The following LIN54 variants were observed in gnomAD, a reference collection of about 807,000 sequenced individuals.
The protein encoded by LIN54 is protein lin-54 homolog.
A neutral mutation model predicts 78.7 loss-of-function variants in LIN54; 9 were observed. That is an observed-to-expected ratio of 0.11 (90% CI 0.07 to 0.20). LIN54 has a LOEUF of 0.20. LIN54 is among the 10% of genes least tolerant of loss of function. LIN54 has a pLI of 1.00. For synonymous variants in LIN54, 269 were observed against 318.4 expected, an observed-to-expected ratio of 0.84 and a Z score of 1.65; for missense variants, 573 against 889.9, an observed-to-expected ratio of 0.64 and a Z score of 4.53.
At chr4:82,998,838 T>C (rs919181495) in intron 1 of LIN54, among the ~76,000 whole-genome samples, 7 of 151,960 alleles carry the variant, frequency 4.6e-5, no homozygotes, top group Non-Finnish European at 7.4e-5. Context: ...CATGAATGTA[T>C]GAAACATATG....
At chr4:83,000,827 C>CTTTTTTTCTTTTTTTTTTTTTTTTT (rs528409899) in intron 1 of LIN54, among the ~76,000 whole-genome samples, 1 of 120,540 alleles carries the variant, frequency 8.3e-6, no homozygotes, top group African/African-American at 3.2e-5. Context: ...GCAATAAATT[C>CTTTTTTTCTTTTTTTTTTTTTTTTT]TTTTTTTTTT....
At chr4:82,929,461 T>G (rs1721763374) in intron 12 of LIN54, among the ~76,000 whole-genome samples, 1 of 152,152 alleles carries the variant, frequency 6.6e-6, no homozygotes. Flanking sequence ...TCCACTTTAT[T>G]CAGTCAAAAA....
intron 3 of LIN54, among the ~76,000 whole-genome samples, chr4:82,975,482 G>A (rs1017903831): frequency 2.6e-5 from 4 of 151,290 alleles, no homozygotes; most frequent in African/African-American, 7.3e-5. Context: ...AGGCTGAGGT[G>A]GGCGGATTAG....
In LIN54 at chr4:82,970,453, C is replaced by T; in HGVS notation, c.825G>A (p.Gln275=). 2 of 1,610,208 alleles carry T rather than the reference C, an allele frequency of 1.2e-6. No individual in the cohort carries two copies. The highest frequency in any genetic ancestry group is 1.7e-6 in the Non-Finnish European group (2 of 1,178,766). Residue 275 remains glutamine, a synonymous_variant, in exon 4 of 13, where the codon CAG becomes CAA. Transcript: ENST00000340417. The part of the protein sequence containing the change: ...PPVIAGRVLS[Q]STPGTPSKTI... ...TCTTTGATGGAGTTCCGGGAGTAGA[C>T]TGTGAAAGAACCCTACCTGCAAATG...
At position 82,926,932 on chromosome 4, in the gene LIN54, G is replaced by C. The variant is rs975873624; in HGVS notation, c.*1170C>G. On this transcript the variant is annotated 3_prime_UTR_variant, in exon 13 of 13. Transcript: ENST00000340417. ...GGAGGCCGAGGCGGGCGAATCACGA[G>C]GTCAGGAGATCGAGACCATCCTGGC... The C allele has an allele frequency of 2.6e-5, 4 of 152,240 alleles. No homozygotes were observed. The highest frequency in any genetic ancestry group is 1.3e-4 in the Admixed American group (2 of 15,266). The allele number at this position is 152,240 out of a possible 1,614,324, so 9.4% of individuals were successfully genotyped here.
intron 7 of LIN54, among the ~76,000 whole-genome samples, chr4:82,939,338 A>G (rs1722646890): frequency 6.6e-6 from 1 of 152,176 alleles, no homozygotes; most frequent in African/African-American, 2.4e-5. Context: ...TCTGACTTGT[A>G]TATCTGACCT....
At chr4:82,967,124 G>A (rs528481083) in intron 4 of LIN54, among the ~76,000 whole-genome samples, 30 of 151,680 alleles carry the variant, frequency 2.0e-4, no homozygotes, top group African/African-American at 7.0e-4. Context: ...TACTCGGGAC[G>A]CTGAGGCAGG....
intron 2 of LIN54, among the ~76,000 whole-genome samples, chr4:82,979,308 A>G (rs1726426252): frequency 6.6e-6 from 1 of 152,202 alleles, no homozygotes; most frequent in South Asian, 2.1e-4. Context: ...GAAAAAATAA[A>G]ACTGTGGCAC....
intron 4 of LIN54, among the ~76,000 whole-genome samples, chr4:82,957,685 C>G (rs1486975772): frequency 6.6e-6 from 1 of 152,204 alleles, no homozygotes; most frequent in African/African-American, 2.4e-5. Context: ...CCTCTCTAAC[C>G]ATCCCAACTG....
In LIN54 at chr4:82,935,965, G is replaced by A. The variant is rs369449154; in HGVS notation, c.1845+16C>T. On this transcript the variant is annotated intron_variant, in intron 11 of 12. Transcript: ENST00000340417. ...CTGTTTTTAAAAGATATTATTTTCC[G>A]CACCCAGCATCTCACCTCATAGCAT... is the stretch of plus-strand genomic sequence containing the variant. 1.2e-5 allele frequency: 20 copies of A among 1,611,092 alleles called. No homozygotes were observed. Among genetic ancestry groups the A allele is most frequent in the Middle Eastern group, 1.6e-4 (1 of 6,080 alleles).
Position 82,935,913 on chromosome 4 carries a change from A to C in LIN54, c.1845+68T>G. On this transcript the variant is annotated intron_variant, in intron 11 of 12. Coordinates refer to ENST00000340417, the MANE Select transcript of LIN54 (RefSeq NM_194282.4). ...AAGGTGATTTCCCAATTTTCAAGTA[A>C]ATTTTTGTAGTAGGTCCTTTCTAAA... 4.0e-6 allele frequency: 6 copies of C among 1,485,402 alleles called. 1 individual carries two copies. The Middle Eastern group carries it at 1.0e-3, about 258-fold the overall frequency. 92.0% of individuals were successfully genotyped at this position (1,485,402 alleles called of 1,614,324 possible). A position where few individuals can be genotyped will look rare whatever the true frequency, so the allele number is the denominator to read the frequency against.
chr4:82,947,207 T>C (rs1396934848), intron 4 of LIN54, among the ~76,000 whole-genome samples: 1 of 76,210 alleles, frequency 1.3e-5, no homozygotes, highest in Non-Finnish European at 2.2e-5. Flanking sequence ...AAAAAAAAAT[T>C]TATATATATA....
intron 11 of LIN54, among the ~76,000 whole-genome samples, chr4:82,932,329 C>T (rs1398925335): frequency 6.6e-6 from 1 of 150,722 alleles, no homozygotes; most frequent in Non-Finnish European, 1.5e-5. Flanking sequence ...ACCTCCTGAC[C>T]TCGTGATTCA....
rs9998203 is a variant in LIN54, at chr4:82,997,038, A to C, written c.-32-12162T>G. Among the ~76,000 whole-genome samples the C allele has an allele frequency of 9.7e-3, 1,479 of 152,166 alleles. 32 individuals carry two copies. The highest frequency in any genetic ancestry group is 0.034 in the African/African-American group (1,422 of 41,532). ...TTTATTGTCCCTCCTCAACTTCTTT[A>C]GAATGCAAAGCCACACAAAGACAGG... On this transcript the variant is annotated intron_variant, in intron 1 of 12. Coordinates refer to ENST00000340417, the MANE Select transcript of LIN54 (RefSeq NM_194282.4).
intron 1 of LIN54, among the ~76,000 whole-genome samples, chr4:82,999,229 A>G (rs186930686): frequency 6.6e-6 from 1 of 152,314 alleles, no homozygotes; most frequent in Admixed American, 6.5e-5. Context: ...GCCACTAGTG[A>G]TGCTAGAAGT....
intron 3 of LIN54, among the ~76,000 whole-genome samples, chr4:82,974,858 CA>C (rs57555387): frequency 0.65 from 86,165 of 131,904 alleles, 27,986 homozygotes; most frequent in Admixed American, 0.75. Flanking sequence ...CAGACTGTCT[CA>C]AAAAAAAAAA....
At chr4:82,940,011 T>C (rs371829837) in intron 5 of LIN54, 49 bp from the exon 6 acceptor site, 2 of 1,280,818 alleles carry the variant, frequency 1.6e-6, no homozygotes, top group African/African-American at 3.0e-5. Flanking sequence ...CAGAAAATAG[T>C]ATTTAAAACA....
intron 1 of LIN54, among the ~76,000 whole-genome samples, chr4:83,005,985 C>G (rs183433677): frequency 7.9e-5 from 12 of 152,320 alleles, no homozygotes; most frequent in Admixed American, 2.6e-4. Flanking sequence ...TTTGAAGCAA[C>G]ATGGATGCAG....
chr4:82,976,302 C>T (rs952319380), intron 3 of LIN54, among the ~76,000 whole-genome samples: 9 of 151,408 alleles, frequency 5.9e-5, no homozygotes, highest in African/African-American at 1.7e-4. Context: ...TTAGAAAAAT[C>T]GCTTATACAC....
Sources: gnomAD v4.1 joint callset for allele counts (sites outside exome capture counted in the v4.1 genomes callset) on GRCh38, gnomAD v4.1.1 for gene constraint, MANE v1.5 for transcripts, NCBI Gene and HGNC (gene_info 2026-07-23, HGNC 2026-07-21) for gene names.